The following EYS variants were observed in gnomAD, a reference collection of about 807,000 sequenced individuals.
EYS encodes protein eyes shut homolog.
Under a neutral mutation model 282.1 loss-of-function variants are expected in EYS, and 250 were observed. That is an observed-to-expected ratio of 0.89 (90% CI 0.80 to 0.98). EYS has a LOEUF of 0.98. EYS is among the 50% of genes least tolerant of loss of function. The pLI is 0.00. For missense variants in EYS, 4,016 were observed against 3,709.0 expected (o/e 1.08, Z -2.15); for synonymous variants, 1,355 against 1,282.9 (o/e 1.06, Z -1.20).
intron 13 of EYS, among the ~76,000 whole-genome samples, chr6:65,000,711 G>A (rs1233386151): frequency 6.6e-6 from 1 of 152,216 alleles, no homozygotes; most frequent in East Asian, 1.9e-4. Context: ...CTGGGAGACA[G>A]AGGTCACAGT....
intron 22 of EYS, among the ~76,000 whole-genome samples, chr6:64,655,987 T>C (rs1392228365): frequency 2.0e-5 from 3 of 152,188 alleles, no homozygotes; most frequent in Non-Finnish European, 2.9e-5. Context: ...AAATTGTCTA[T>C]GGTTGTCTTC....
chr6:64,285,657 C>A lies in EYS; in HGVS notation c.6191+21313G>T, dbSNP rs12209432. 2.6e-5 allele frequency among the ~76,000 whole-genome samples: 4 copies of A among 152,268 alleles called. No homozygotes were observed. In the East Asian group the frequency reaches 7.7e-4, roughly 29 times the overall value. On this transcript the variant is annotated intron_variant, in intron 30 of 42. Coordinates refer to ENST00000503581, the MANE Select transcript of EYS (RefSeq NM_001142800.2). ...TTTTCACACTATTAATAAAAACATA[C>A]CTGATACTGGGAAGAAAAAGAGGTT...
chr6:64,245,290 GTTTGT>G (rs1766975920), intron 30 of EYS, among the ~76,000 whole-genome samples: 1 of 151,240 alleles, frequency 6.6e-6, no homozygotes, highest in Non-Finnish European at 1.5e-5. Flanking sequence ...AGGTTGTTTT[GTTTGT>G]TTTGTTTTTG....
At chr6:65,034,797 T>C (rs1388811549) in intron 13 of EYS, among the ~76,000 whole-genome samples, 1 of 152,092 alleles carries the variant, frequency 6.6e-6, no homozygotes, top group African/African-American at 2.4e-5. Flanking sequence ...CACTAGCTAC[T>C]ACAATTCCTA....
At chr6:64,557,793 C>T (rs1167346249) in intron 26 of EYS, among the ~76,000 whole-genome samples, 4 of 152,004 alleles carry the variant, frequency 2.6e-5, no homozygotes, top group African/African-American at 9.7e-5. Context: ...CAATCTCGGT[C>T]AATAAAGTTT....
At chr6:64,872,865 C>T (rs1014109653) in intron 19 of EYS, among the ~76,000 whole-genome samples, 2 of 151,960 alleles carry the variant, frequency 1.3e-5, no homozygotes, top group Non-Finnish European at 2.9e-5. Flanking sequence ...GGAAGTATAA[C>T]AGGAACTTCA....
At chr6:63,958,793 G>A (rs1765929692) in intron 35 of EYS, among the ~76,000 whole-genome samples, 2 of 152,102 alleles carry the variant, frequency 1.3e-5, no homozygotes, top group African/African-American at 4.8e-5. Flanking sequence ...TACAAATGCA[G>A]CAAAAAAGCC....
chr6:65,330,950 T>C, intron 11 of EYS: 1 of 984,438 alleles, frequency 1.0e-6, no homozygotes, highest in African/African-American at 1.7e-5. Context: ...AATGAGATTA[T>C]AGCCAAATTT....
intron 12 of EYS, among the ~76,000 whole-genome samples, chr6:65,280,792 C>A (rs971468652): frequency 8.0e-5 from 12 of 150,364 alleles, no homozygotes; most frequent in African/African-American, 2.7e-4. Context: ...CCAAGGTGGG[C>A]GGATCGCCTG....
intron 11 of EYS, chr6:65,332,545 A>G: frequency 2.6e-6 from 2 of 773,842 alleles, no homozygotes; most frequent in South Asian, 3.3e-5. Context: ...TTAGTGGTAT[A>G]CAGAGGGTTT....
chr6:64,670,173 T>C (rs2149895366), intron 22 of EYS, among the ~76,000 whole-genome samples: 1 of 152,204 alleles, frequency 6.6e-6, no homozygotes, highest in South Asian at 2.1e-4. Flanking sequence ...CTCCCTCCTG[T>C]CATGAAGAAA....
Position 65,384,911 on chromosome 6 carries a change from T to C in EYS, c.1185-411A>G, listed in dbSNP as rs1765744070. Among the ~76,000 whole-genome samples the C allele has an allele frequency of 5.9e-5, 9 of 151,876 alleles. No homozygotes were observed. In the Admixed American group the frequency reaches 5.9e-4, roughly 10 times the overall value. On this transcript the variant is annotated intron_variant, in intron 7 of 42. Transcript: ENST00000503581. ...ATGACTACATGAATTTGAGACAGGA[T>C]AGAGTGCCAGTGGATGATAACGGTC...
intron 2 of EYS, among the ~76,000 whole-genome samples, chr6:65,570,282 C>G (rs1166136560): frequency 6.6e-6 from 1 of 152,120 alleles, no homozygotes; most frequent in African/African-American, 2.4e-5. Flanking sequence ...CTAGACCTTT[C>G]TTAAGAATAG....
At chr6:64,257,471 T>C (rs759387790) in intron 30 of EYS, among the ~76,000 whole-genome samples, 1 of 152,004 alleles carries the variant, frequency 6.6e-6, no homozygotes, top group Non-Finnish European at 1.5e-5. Flanking sequence ...CCAAATCCCC[T>C]CATCTGTGTC....
At chr6:64,111,379 C>T (rs746114459) in intron 31 of EYS, among the ~76,000 whole-genome samples, 8 of 151,948 alleles carry the variant, frequency 5.3e-5, no homozygotes, top group Non-Finnish European at 7.4e-5. Flanking sequence ...CTATAGGAGT[C>T]GAGCACGGAT....
At chr6:64,495,600 T>C (rs1158853480) in intron 26 of EYS, among the ~76,000 whole-genome samples, 1 of 151,908 alleles carries the variant, frequency 6.6e-6, no homozygotes, top group African/African-American at 2.4e-5. Flanking sequence ...CCTTTCTTAC[T>C]TTGTGTAACT....
At chr6:63,825,508 TCAA>T (rs1176200848) in intron 36 of EYS, among the ~76,000 whole-genome samples, 3 of 152,150 alleles carry the variant, frequency 2.0e-5, no homozygotes, top group African/African-American at 7.2e-5. Context: ...CTTCGCCACC[TCAA>T]CGAGAACAGG....
At chr6:64,772,778 C>A (rs907277754) in intron 22 of EYS, among the ~76,000 whole-genome samples, 1 of 151,734 alleles carries the variant, frequency 6.6e-6, no homozygotes, top group Non-Finnish European at 1.5e-5. Context: ...TCTTTCTTTG[C>A]CTGGGTTATT....
chr6:64,115,609 G>A (rs1309268556), intron 31 of EYS, among the ~76,000 whole-genome samples: 1 of 152,132 alleles, frequency 6.6e-6, no homozygotes, highest in Admixed American at 6.5e-5. Context: ...ACTGCATAGA[G>A]TCTTTACAAC....
Sources: allele counts gnomAD v4.1 joint callset (sites outside exome capture counted in the v4.1 genomes callset), GRCh38; gene constraint gnomAD v4.1.1; transcripts MANE v1.5; gene names NCBI Gene and HGNC (gene_info 2026-07-23, HGNC 2026-07-21).